The following MED12L variants were observed in gnomAD, a reference collection of about 807,000 sequenced individuals.
MED12L encodes mediator complex subunit 12L, also known as mediator of RNA polymerase II transcription subunit 12-like protein.
MED12L carries 60 observed loss-of-function variants against 281.3 expected under a neutral mutation model. The observed-to-expected ratio is 0.21, with a 90% confidence interval of 0.17 to 0.26. The LOEUF is 0.26. Among genes scored for constraint, MED12L ranks in the 10% least tolerant of loss-of-function variants. The pLI is 1.00. For missense variants in MED12L, 2,146 were observed against 2,680.9 expected, an observed-to-expected ratio of 0.80 and a Z score of 4.41; for synonymous variants, 974 against 987.2, an observed-to-expected ratio of 0.99 and a Z score of 0.25.
intron 16 of MED12L, chr3:151,214,362 T>C: frequency 6.6e-7 from 1 of 1,524,810 alleles, no homozygotes; most frequent in East Asian, 2.3e-5. Context: ...TGTGAACTGG[T>C]CACTCATAGG....
chr3:151,252,327 C>T (rs1737014358), intron 16 of MED12L, among the ~76,000 whole-genome samples: 1 of 152,114 alleles, frequency 6.6e-6, no homozygotes, highest in Non-Finnish European at 1.5e-5. Flanking sequence ...ACACTAAGCT[C>T]ATGGGAGTTA....
chr3:151,100,181 A>G (rs2148657548), intron 2 of MED12L, among the ~76,000 whole-genome samples: 1 of 152,338 alleles, frequency 6.6e-6, no homozygotes, highest in East Asian at 1.9e-4. Context: ...CGGAATTGAC[A>G]CAGGGCTCCC....
intron 39 of MED12L, among the ~76,000 whole-genome samples, chr3:151,403,341 C>T (rs1715923628): frequency 6.6e-6 from 1 of 151,990 alleles, no homozygotes; most frequent in African/African-American, 2.4e-5. Context: ...AGTTTTGAAC[C>T]TGTCTATTCC....
chr3:151,371,713 C>T (rs2108011490), intron 26 of MED12L, among the ~76,000 whole-genome samples: 1 of 152,268 alleles, frequency 6.6e-6, no homozygotes, highest in Non-Finnish European at 1.5e-5. Context: ...TTGTCAAGGC[C>T]TATGATCCTG....
Position 151,335,531 on chromosome 3 carries a change from T to C in MED12L, c.2251-14528T>C, listed in dbSNP as rs1750864105. 2.6e-5 allele frequency among the ~76,000 whole-genome samples: 4 copies of C among 152,308 alleles called. No individual in the cohort carries two copies. In the South Asian group the frequency reaches 8.3e-4, roughly 32 times the overall value. On this transcript the variant is annotated intron_variant, in intron 16 of 44. Transcript: ENST00000687756. ...TTTAGGACTTGTAAGCCACTGAGGC[T>C]ATGGGCAAGACTACATTTTGTTGTC...
Position 151,156,331 on chromosome 3 carries a change from GTAACCTTT to G in MED12L, c.726+3_726+10del, listed in dbSNP as rs1417024521. ...AAAGCTAGCATTTCACATGTTCCAG[GTAACCTTT>G]TGAAGACATGCAGAGTTGTGTGCAA... is the stretch of plus-strand genomic sequence containing the variant. On this transcript the variant is annotated splice_donor_variant and splice_donor_5th_base_variant and intron_variant, in intron 6 of 44. Transcript: ENST00000687756. LOFTEE classifies it high-confidence loss of function. 6.2e-7 allele frequency: 1 copy of G among 1,601,532 alleles called. No individual in the cohort carries two copies. The highest frequency in any genetic ancestry group is 8.5e-7 in the Non-Finnish European group (1 of 1,174,880).
chr3:151,408,851 G>GT (rs1051345784), intron 39 of MED12L, among the ~76,000 whole-genome samples: 2 of 152,162 alleles, frequency 1.3e-5, no homozygotes, highest in Non-Finnish European at 2.9e-5. Context: ...ATATGCCACC[G>GT]TGTGTCTGTA....
chr3:151,277,386 G>A (rs1284016156), intron 16 of MED12L, among the ~76,000 whole-genome samples: 1 of 152,032 alleles, frequency 6.6e-6, no homozygotes, highest in African/African-American at 2.4e-5. Context: ...TTTTCCGAGT[G>A]CATTGTTTTC....
intron 27 of MED12L, among the ~76,000 whole-genome samples, chr3:151,375,557 AATG>A (rs1292186301): frequency 1.3e-5 from 2 of 152,208 alleles, no homozygotes; most frequent in African/African-American, 4.8e-5. Flanking sequence ...ACTCATTTAT[AATG>A]ATAACATTAT....
intron 5 of MED12L, among the ~76,000 whole-genome samples, chr3:151,133,429 T>G (rs1715692480): frequency 6.6e-6 from 1 of 152,026 alleles, no homozygotes; most frequent in Non-Finnish European, 1.5e-5. Flanking sequence ...TACACAAAAG[T>G]GAGAGGAGTG....
chr3:151,416,463 C>T, intron 43 of MED12L, 41 bp downstream of exon 43: 2 of 1,598,890 alleles, frequency 1.3e-6, no homozygotes, highest in Non-Finnish European at 1.7e-6. Context: ...TGGGTTTCTT[C>T]TTTAAAAGCA....
chr3:151,362,589 A>G (rs906310735), intron 21 of MED12L, among the ~76,000 whole-genome samples: 1 of 151,822 alleles, frequency 6.6e-6, no homozygotes, highest in African/African-American at 2.4e-5. Flanking sequence ...CCCACTGTAG[A>G]TTCTATATTT....
chr3:151,287,852 G>C (rs1360896119), intron 16 of MED12L, among the ~76,000 whole-genome samples: 1 of 152,120 alleles, frequency 6.6e-6, no homozygotes, highest in African/African-American at 2.4e-5. Flanking sequence ...AATAGCATTT[G>C]TACAAAACTT....
chr3:151,291,168 TTTTA>T (rs1217172171), intron 16 of MED12L, among the ~76,000 whole-genome samples: 1 of 151,650 alleles, frequency 6.6e-6, no homozygotes, highest in African/African-American at 2.4e-5. Context: ...TTTTTTTTGT[TTTTA>T]TTTGTTTTTT....
chr3:151,252,511 C>A (rs886718232), intron 16 of MED12L, among the ~76,000 whole-genome samples: 18 of 152,142 alleles, frequency 1.2e-4, no homozygotes, highest in African/African-American at 4.3e-4. Context: ...TGGCACCTGA[C>A]ATTTTTATTC....
intron 19 of MED12L, among the ~76,000 whole-genome samples, chr3:151,356,989 G>T (rs1168822820): frequency 2.0e-5 from 3 of 152,078 alleles, no homozygotes; most frequent in Non-Finnish European, 4.4e-5. Context: ...TGAAGTTTCA[G>T]TACCTTATTT....
chr3:151,200,864 C>T (rs767730044), intron 16 of MED12L: 1 of 151,992 alleles, frequency 6.6e-6, no homozygotes, highest in African/African-American at 2.4e-5. Context: ...TGTTATTGTC[C>T]CTGCTTTACA....
intron 16 of MED12L, among the ~76,000 whole-genome samples, chr3:151,240,879 A>C (rs2149378848): frequency 6.6e-6 from 1 of 152,318 alleles, no homozygotes; most frequent in South Asian, 2.1e-4. Context: ...TTTATTCTTC[A>C]AGTACCATGC....
chr3:151,271,225 T>C (rs995308864), intron 16 of MED12L, among the ~76,000 whole-genome samples: 2 of 152,260 alleles, frequency 1.3e-5, no homozygotes, highest in Admixed American at 1.3e-4. Context: ...AAACAAATAA[T>C]TCACAAAGGA....
Sources: gnomAD v4.1 joint callset for allele counts (sites outside exome capture counted in the v4.1 genomes callset) on GRCh38, gnomAD v4.1.1 for gene constraint, MANE v1.5 for transcripts, NCBI Gene and HGNC (gene_info 2026-07-23, HGNC 2026-07-21) for gene names.